SUMO3: variants seen among roughly 807,000 people sequenced by gnomAD.
SUMO3 encodes the protein small ubiquitin like modifier 3, also known as small ubiquitin-related modifier 3.
SUMO3 carries 2 observed loss-of-function variants against 11.1 expected under a neutral mutation model. The observed-to-expected ratio is 0.18, with a 90% CI of 0.07 to 0.57. The LOEUF (loss-of-function observed/expected upper bound fraction) is 0.57, where lower values mean the gene tolerates loss of function less well. SUMO3 is among the 20% of genes least tolerant of loss of function. The pLI, the probability that SUMO3 is intolerant of heterozygous loss-of-function variation, is 0.92. For missense variants in SUMO3, 70 were observed against 132.8 expected, an observed-to-expected ratio of 0.53 and a Z score of 2.32; for synonymous variants, 56 against 53.5, an observed-to-expected ratio of 1.05 and a Z score of -0.20.
In SUMO3 at chr21:44,811,125, TACACACAGGCACACACCCACACATAC is replaced by T. The variant is rs1002235837; in HGVS notation, c.151-2033_151-2008del. On this transcript the variant is annotated intron_variant, in intron 2 of 3. Transcript: ENST00000332859. The surrounding 1 kb of genome is among the most constrained non-coding windows in gnomAD (Gnocchi z 5.0). ...ACACACACATGCACACACCCACATA[TACACACAGGCACACACCCACACATAC>T]ACACACAGGCACACACCCACACATA... 1.4e-4 allele frequency among the ~76,000 whole-genome samples: 17 copies of T among 121,246 alleles called. No homozygotes were observed. Among genetic ancestry groups the T allele is most frequent in the South Asian group, 8.2e-4 (3 of 3,646 alleles). The allele number at this position is 121,246 out of a possible 152,430, so 79.5% of individuals were successfully genotyped here. A position where few individuals can be genotyped will look rare whatever the true frequency, so the allele number is the denominator to read the frequency against.
chr21:44,808,592 C>T, intron 3 of SUMO3: 1 of 1,375,140 alleles, frequency 7.3e-7, no homozygotes. Flanking sequence ...GATGAAATCT[C>T]ATTCATGTCT....
chr21:44,807,302 T>A lies in SUMO3; in HGVS notation c.223-262A>T, dbSNP rs936425492. 2.6e-5 allele frequency among the ~76,000 whole-genome samples: 4 copies of A among 152,136 alleles called. No individual in the cohort carries two copies. Among genetic ancestry groups the A allele is most frequent in the African/African-American group, 9.7e-5 (4 of 41,418 alleles). On this transcript the variant is annotated intron_variant, in intron 3 of 3. Transcript: ENST00000332859. This position sits in a 1 kb window ranked among gnomAD's most constrained non-coding sequence, Gnocchi z 4.3. Reference sequence around the variant, plus strand: ...GCAGATTCAAAGCTAAAATGTTAACTGAGAGAAAAACTGAGTCTAGAAGAT... The same window carrying A: ...GCAGATTCAAAGCTAAAATGTTAACAGAGAGAAAAACTGAGTCTAGAAGAT...
rs551191664 is a variant in SUMO3 at position 44,815,583 on chromosome 21, TG to T, written c.22-1480del. On this transcript the variant is annotated intron_variant, in intron 1 of 3. Transcript: ENST00000332859. ...AGCATGCAAACAGCTCCAGGCAGGATGGAAGTGGGGACCCCTGCATGAGCCC... is the reference window on the plus strand; with the variant it reads ...AGCATGCAAACAGCTCCAGGCAGGATGAAGTGGGGACCCCTGCATGAGCCC... 3.9e-3 allele frequency among the ~76,000 whole-genome samples: 601 copies of T among 152,214 alleles called. 2 individuals carry two copies. Among genetic ancestry groups the T allele is most frequent in the Non-Finnish European group, 6.2e-3 (420 of 67,994 alleles).
chr21:44,808,484 T>C (rs763868593), intron 3 of SUMO3: 485 of 1,445,906 alleles, frequency 3.4e-4, no homozygotes, highest in Non-Finnish European at 4.2e-4. Context: ...CACTGCATTC[T>C]AGCCTGGGCA....
Position 44,817,944 on chromosome 21 carries a change from T to G in SUMO3, c.21+4A>C. 1 of 1,053,556 alleles carries G rather than the reference T, an allele frequency of 9.5e-7. No homozygotes were observed. Among genetic ancestry groups the G allele is most frequent in the Non-Finnish European group, 1.1e-6 (1 of 894,982 alleles). The allele number at this position is 1,053,556 out of a possible 1,614,324, so 65.3% of individuals were successfully genotyped here. A position where few individuals can be genotyped will look rare whatever the true frequency, so the allele number is the denominator to read the frequency against. ...GCGCGTGCAGGCGGGGTCGCCGCGC[T>G]TACCTTGGGCTTCTCCTCGGACATG... On this transcript the variant is annotated splice_donor_region_variant and intron_variant, in intron 1 of 3. Transcript: ENST00000332859.
In SUMO3 at chr21:44,806,802, T is replaced by A; in HGVS notation, c.*149A>T. On this transcript the variant is annotated 3_prime_UTR_variant, in exon 4 of 4. Coordinates refer to ENST00000332859, the MANE Select transcript of SUMO3 (RefSeq NM_006936.3). ...AGATTCATCCCTGCAGATATAGTTT[T>A]GAGTTGCACTTGAAGTACATCAAAG... The A allele has an allele frequency of 6.9e-7, 1 of 1,444,872 alleles. No homozygotes were observed. Among genetic ancestry groups the A allele is most frequent in the East Asian group, 2.6e-5 (1 of 39,148 alleles). 89.5% of individuals were successfully genotyped at this position (1,444,872 alleles called of 1,614,324 possible).
intron 1 of SUMO3, among the ~76,000 whole-genome samples, chr21:44,816,979 G>A (rs2146428505): frequency 1.6e-5 from 2 of 128,760 alleles, no homozygotes; most frequent in Non-Finnish European, 3.4e-5. Flanking sequence ...ATGGAAAGGG[G>A]GACGCGATGG....
In SUMO3 at chr21:44,811,151, C is replaced by T. The variant is rs1407868346; in HGVS notation, c.151-2033G>A. Among the ~76,000 whole-genome samples, 1 of 149,666 alleles carries T rather than the reference C, an allele frequency of 6.7e-6. No homozygotes were observed. The highest frequency in any genetic ancestry group is 1.5e-5 in the Non-Finnish European group (1 of 66,564). ...ACACACAGGCACACACCCACACATA[C>T]ACACACAGGCACACACCCACACATA... On this transcript the variant is annotated intron_variant, in intron 2 of 3. Coordinates refer to ENST00000332859, the MANE Select transcript of SUMO3 (RefSeq NM_006936.3). The surrounding 1 kb of genome is among the most constrained non-coding windows in gnomAD (Gnocchi z 5.0).
At position 44,817,954 on chromosome 21, in the gene SUMO3, C is replaced by T. The variant is rs1601221820; in HGVS notation, c.15G>A (p.Lys5=). Reference sequence around the variant, plus strand: ...GCGGGGTCGCCGCGCTTACCTTGGGCTTCTCCTCGGACATGGCTGCGCGAG... The same window carrying T: ...GCGGGGTCGCCGCGCTTACCTTGGGTTTCTCCTCGGACATGGCTGCGCGAG... MSEE[K]PKEGVKTEND... The change falls in exon 1 of 4, where the codon AAG becomes AAA. Residue 5 remains lysine (K), a synonymous_variant. Transcript: ENST00000332859. 9.3e-7 allele frequency: 1 copy of T among 1,075,128 alleles called. No homozygotes were observed. Among genetic ancestry groups the T allele is most frequent in the Non-Finnish European group, 1.1e-6 (1 of 906,372 alleles). 66.6% of individuals were successfully genotyped at this position (1,075,128 alleles called of 1,614,324 possible).
In SUMO3 at chr21:44,813,881, G is replaced by A. The variant is rs779256756; in HGVS notation, c.150+95C>T. 4 of 1,593,302 alleles carry A rather than the reference G, an allele frequency of 2.5e-6. No homozygotes were observed. In the African/African-American group the frequency reaches 4.0e-5, roughly 16 times the overall value. Reference sequence around the variant, plus strand: ...GGGCACCTCGGGCAGCTGCATCTGGGTCCAGCCCCGAGACGCTCGTGCTCT... The same window carrying A: ...GGGCACCTCGGGCAGCTGCATCTGGATCCAGCCCCGAGACGCTCGTGCTCT... On this transcript the variant is annotated intron_variant, in intron 2 of 3. Transcript: ENST00000332859.
intron 2 of SUMO3, among the ~76,000 whole-genome samples, chr21:44,812,328 C>CA (rs961618528): frequency 3.9e-5 from 6 of 152,128 alleles, no homozygotes; most frequent in African/African-American, 1.2e-4. Context: ...GATCCTCCCA[C>CA]ATCAGCCTCC....
At chr21:44,808,507 T>A in intron 3 of SUMO3, 1 of 1,442,238 alleles carries the variant, frequency 6.9e-7, no homozygotes, top group Non-Finnish European at 9.1e-7. Context: ...AAAGCGAGAC[T>A]CCGTCTCAAA....
rs1569308243 is a variant in SUMO3, at chr21:44,811,015, TATGCACACACGCACACACCCACATAC to T, written c.151-1923_151-1898del. On this transcript the variant is annotated intron_variant, in intron 2 of 3. Transcript: ENST00000332859. The surrounding 1 kb of genome is among the most constrained non-coding windows in gnomAD (Gnocchi z 5.0). ...ACACCCACACATGCACACACCCACA[TATGCACACACGCACACACCCACATAC>T]ACACACGCACACACCCACACATACA... Among the ~76,000 whole-genome samples, 7 of 63,610 alleles carry T rather than the reference TATGCACACACGCACACACCCACATAC, an allele frequency of 1.1e-4. No homozygotes were observed. The highest frequency in any genetic ancestry group is 2.4e-4 in the Non-Finnish European group (7 of 29,358). 41.7% of individuals were successfully genotyped at this position (63,610 alleles called of 152,430 possible).
intron 3 of SUMO3, chr21:44,808,154 T>G (rs980513322): frequency 5.9e-6 from 1 of 169,586 alleles, no homozygotes; most frequent in East Asian, 1.5e-4. Context: ...GATGAAGTGA[T>G]GCTTGGTCAC....
chr21:44,817,699 G>A (rs956064998), intron 1 of SUMO3, among the ~76,000 whole-genome samples: 2 of 150,852 alleles, frequency 1.3e-5, no homozygotes, highest in African/African-American at 4.9e-5. Context: ...TCCCAGCTGG[G>A]GAGGAGACGG....
chr21:44,813,764 C>T, intron 2 of SUMO3: 1 of 1,459,128 alleles, frequency 6.9e-7, no homozygotes, highest in Admixed American at 2.2e-5. Flanking sequence ...CTCCGAGCCT[C>T]TAGGTCCCTC....
At chr21:44,808,314 C>G in intron 3 of SUMO3, 1 of 348,006 alleles carries the variant, frequency 2.9e-6, no homozygotes, top group Non-Finnish European at 5.2e-6. Context: ...AGATCGAGAC[C>G]ATCCTGGCTA....
Position 44,812,345 on chromosome 21 carries a change from G to A in SUMO3, c.150+1631C>T, listed in dbSNP as rs547558810. Among the ~76,000 whole-genome samples the A allele has an allele frequency of 4.3e-4, 66 of 152,078 alleles. 1 individual carries two copies. In the South Asian group the frequency reaches 0.011, roughly 26 times the overall value. On this transcript the variant is annotated intron_variant, in intron 2 of 3. Transcript: ENST00000332859. ...TCCTCCCACATCAGCCTCCCAAAGT[G>A]CTGGGATTACAGGCATAAGCCACCA...
rs1240722161 is a variant in SUMO3 at position 44,810,930 on chromosome 21, GCCCACA to G, written c.151-1818_151-1813del. Among the ~76,000 whole-genome samples the G allele has an allele frequency of 1.6e-4, 24 of 149,662 alleles. No homozygotes were observed. In the South Asian group the frequency reaches 1.7e-3, roughly 11 times the overall value. On this transcript the variant is annotated intron_variant, in intron 2 of 3. Transcript: ENST00000332859. The surrounding 1 kb of genome is among the most constrained non-coding windows in gnomAD (Gnocchi z 4.1). ...CACACACATGCCCACACCCACACAT[GCCCACA>G]CCCACACACATGCACACACCCACAC...
Sources: gnomAD v4.1 joint callset for allele counts (sites outside exome capture counted in the v4.1 genomes callset) on GRCh38, gnomAD v4.1.1 for gene constraint, Gnocchi (gnomAD v3.1) non-coding constraint, MANE v1.5 for transcripts, NCBI Gene and HGNC (gene_info 2026-07-23, HGNC 2026-07-21) for gene names.